Variants in BMPR1B observed in about 807,000 individuals in gnomAD.
BMPR1B encodes bone morphogenetic protein receptor type 1B, also known as bone morphogenetic protein receptor type-1B.
Under a neutral mutation model 59.1 loss-of-function variants are expected in BMPR1B, and 12 were observed. The ratio of observed to expected loss-of-function variants is 0.20; its 90% CI spans 0.13 to 0.33. The LOEUF (loss-of-function observed/expected upper bound fraction) is 0.33. Ranked by LOEUF, BMPR1B falls within the 10% of genes least tolerant of loss-of-function variation. BMPR1B has a pLI of 1.00. For missense variants in BMPR1B, 550 were observed against 610.9 expected, an observed-to-expected ratio of 0.90 and a Z score of 1.05; for synonymous variants, 237 against 207.3, an observed-to-expected ratio of 1.14 and a Z score of -1.23.
At chr4:95,126,458 C>G (rs1425616294) in intron 8 of BMPR1B, among the ~76,000 whole-genome samples, 2 of 152,108 alleles carry the variant, frequency 1.3e-5, no homozygotes, top group Non-Finnish European at 2.9e-5. Flanking sequence ...AGACATTGGC[C>G]TTTAAAACTA....
intron 1 of BMPR1B, among the ~76,000 whole-genome samples, chr4:94,848,501 A>G (rs567379319): frequency 5.0e-4 from 76 of 152,324 alleles, no homozygotes; most frequent in African/African-American, 1.8e-3. Flanking sequence ...CGAGGCCAGC[A>G]TACTTGGAGT....
intron 2 of BMPR1B, among the ~76,000 whole-genome samples, chr4:94,965,522 A>T (rs1209567934): frequency 4.6e-5 from 7 of 152,174 alleles, no homozygotes; most frequent in Non-Finnish European, 8.8e-5. Context: ...GGCCTGGGTT[A>T]TATAAGATAT....
chr4:94,832,933 G>A (rs1029368794), intron 1 of BMPR1B, among the ~76,000 whole-genome samples: 6 of 152,088 alleles, frequency 3.9e-5, no homozygotes, highest in Non-Finnish European at 5.9e-5. Flanking sequence ...GGGATAGGCC[G>A]GGAACGGTGG....
At position 95,153,743 on chromosome 4, in the gene BMPR1B, G is replaced by A. The variant is rs115642450; in HGVS notation, c.1384-805G>A. On this transcript the variant is annotated intron_variant, in intron 12 of 12. Transcript: ENST00000515059. ...TGCACACCTGTATTCCCACCTACTCGGGAGATTGATGCACGAGAATTGCTT... is the reference window on the plus strand; with the variant it reads ...TGCACACCTGTATTCCCACCTACTCAGGAGATTGATGCACGAGAATTGCTT... 8.1e-3 allele frequency among the ~76,000 whole-genome samples: 1,232 copies of A among 152,140 alleles called. 14 individuals are homozygous for A. The highest frequency in any genetic ancestry group is 0.028 in the African/African-American group (1,151 of 41,494).
intron 1 of BMPR1B, among the ~76,000 whole-genome samples, chr4:94,763,652 CAGTT>C (rs1721863710): frequency 6.6e-6 from 1 of 152,128 alleles, no homozygotes; most frequent in South Asian, 2.1e-4. Context: ...ATTTTTATAG[CAGTT>C]AGATAGATAT....
At chr4:94,892,960 T>C (rs1034608908) in intron 2 of BMPR1B, among the ~76,000 whole-genome samples, 17 of 151,978 alleles carry the variant, frequency 1.1e-4, no homozygotes, top group African/African-American at 2.7e-4. Flanking sequence ...ATCTGTAAAG[T>C]GGGGATATCA....
rs996251816 is a variant in BMPR1B, at chr4:94,821,554, A to G, written c.-182-54277A>G. On this transcript the variant is annotated intron_variant, in intron 1 of 12. Transcript: ENST00000515059. ...AGTGTTGGAAATGGTTCCTGCCTCT[A>G]AGGATCTTAAACCAATCAATTAAGA... Among the ~76,000 whole-genome samples, 4 of 152,118 alleles carry G rather than the reference A, an allele frequency of 2.6e-5. No homozygotes were observed. The South Asian group carries it at 6.2e-4, about 24-fold the overall frequency.
At chr4:94,848,669 A>G (rs957775794) in intron 1 of BMPR1B, among the ~76,000 whole-genome samples, 4 of 152,158 alleles carry the variant, frequency 2.6e-5, no homozygotes, top group Non-Finnish European at 5.9e-5. Context: ...AATATGAACT[A>G]TCATTGATGA....
intron 3 of BMPR1B, among the ~76,000 whole-genome samples, chr4:95,055,418 T>G (rs980599040): frequency 1.3e-5 from 2 of 152,128 alleles, no homozygotes; most frequent in African/African-American, 4.8e-5. Flanking sequence ...ATATTTTAAG[T>G]GAAAAATGAT....
chr4:94,877,561 A>G (rs1019362849), intron 2 of BMPR1B, among the ~76,000 whole-genome samples: 7 of 152,374 alleles, frequency 4.6e-5, no homozygotes, highest in Non-Finnish European at 8.8e-5. Context: ...ACCTTTCTCT[A>G]GAAATACATT....
chr4:94,842,479 C>T (rs529377061), intron 1 of BMPR1B, among the ~76,000 whole-genome samples: 1 of 152,168 alleles, frequency 6.6e-6, no homozygotes, highest in South Asian at 2.1e-4. Context: ...CCCTGATTCA[C>T]TTTTATTTAC....
chr4:95,144,476 G>A (rs1336184570), intron 10 of BMPR1B, among the ~76,000 whole-genome samples: 1 of 99,646 alleles, frequency 1.0e-5, no homozygotes, highest in Non-Finnish European at 2.2e-5. Context: ...ACCACACCAG[G>A]CCTTTTTTTT....
chr4:94,898,526 C>T lies in BMPR1B; in HGVS notation c.-113+22626C>T, dbSNP rs542964996. 2.0e-5 allele frequency among the ~76,000 whole-genome samples: 3 copies of T among 152,130 alleles called. No individual in the cohort carries two copies. The South Asian group carries it at 6.2e-4, about 32-fold the overall frequency. ...TTACAAGGGGCTTTCCTCTCCTTTGCTCAGCGTTTCTTTTTCCTGCCACCA... is the reference window on the plus strand; with the variant it reads ...TTACAAGGGGCTTTCCTCTCCTTTGTTCAGCGTTTCTTTTTCCTGCCACCA... On this transcript the variant is annotated intron_variant, in intron 2 of 12. Coordinates refer to ENST00000515059, the MANE Select transcript of BMPR1B (RefSeq NM_001203.3).
At chr4:94,845,498 A>G (rs940561883) in intron 1 of BMPR1B, among the ~76,000 whole-genome samples, 2 of 152,028 alleles carry the variant, frequency 1.3e-5, no homozygotes, top group African/African-American at 4.8e-5. Flanking sequence ...GCCCGCCACC[A>G]CGCCCGGCTA....
In BMPR1B at chr4:95,075,342, T is replaced by A. The variant is rs556169901; in HGVS notation, c.-17-29066T>A. On this transcript the variant is annotated intron_variant, in intron 3 of 12. Coordinates refer to ENST00000515059, the MANE Select transcript of BMPR1B (RefSeq NM_001203.3). ...TATTGGAAAGTGACTGCTATACTTATGATTTTTAGGCAGTTAATAGTGAAT... is the reference window on the plus strand; with the variant it reads ...TATTGGAAAGTGACTGCTATACTTAAGATTTTTAGGCAGTTAATAGTGAAT... Among the ~76,000 whole-genome samples the A allele has an allele frequency of 1.1e-4, 17 of 152,178 alleles. No homozygotes were observed. In the South Asian group the frequency reaches 1.7e-3, roughly 15 times the overall value.
Position 94,931,583 on chromosome 4 carries a change from C to T in BMPR1B, c.-113+55683C>T, listed in dbSNP as rs549653852. 2.0e-5 allele frequency among the ~76,000 whole-genome samples: 3 copies of T among 152,180 alleles called. No homozygotes were observed. In the South Asian group the frequency reaches 6.2e-4, roughly 32 times the overall value. ...CTTCAATTATATCAGCTGCTTTTAT[C>T]TGTTACCTACTGGAGTGTGTTTTGT... On this transcript the variant is annotated intron_variant, in intron 2 of 12. Coordinates refer to ENST00000515059, the MANE Select transcript of BMPR1B (RefSeq NM_001203.3).
chr4:94,966,111 A>G (rs903637152), intron 2 of BMPR1B, among the ~76,000 whole-genome samples: 2 of 152,176 alleles, frequency 1.3e-5, no homozygotes, highest in African/African-American at 4.8e-5. Context: ...GATATATGCC[A>G]TGTTGTATCT....
At chr4:95,003,770 T>C (rs576259846) in intron 3 of BMPR1B, among the ~76,000 whole-genome samples, 1 of 151,418 alleles carries the variant, frequency 6.6e-6, no homozygotes, top group African/African-American at 2.4e-5. Context: ...GATAAGGTCA[T>C]GATTTAAACT....
chr4:95,109,325 G>C (rs1408682288), intron 4 of BMPR1B, among the ~76,000 whole-genome samples: 2 of 152,078 alleles, frequency 1.3e-5, no homozygotes, highest in Admixed American at 1.3e-4. Flanking sequence ...CTTAAATGAG[G>C]AATTAGATAA....
Sources: allele counts gnomAD v4.1 joint callset (sites outside exome capture counted in the v4.1 genomes callset), GRCh38; gene constraint gnomAD v4.1.1; transcripts MANE v1.5; gene names NCBI Gene and HGNC (gene_info 2026-07-23, HGNC 2026-07-21).